The following RARB variants were observed in gnomAD, a reference collection of about 807,000 sequenced individuals.
RARB encodes retinoic acid receptor beta, also known as HBV-activated protein.
In RARB, 17 loss-of-function variants were observed where a neutral mutation model predicts 51.9. The ratio of observed to expected loss-of-function variants is 0.33; its 90% CI spans 0.22 to 0.49. RARB has a LOEUF of 0.49. RARB is among the 20% of genes least tolerant of loss of function. The probability of loss-of-function intolerance (pLI) is 0.99; values close to 1 mark genes in which losing one functional copy is unlikely to be tolerated. For synonymous variants in RARB, 215 were observed against 195.4 expected (o/e 1.10, Z -0.84); for missense variants, 369 against 550.8 (o/e 0.67, Z 3.30).
At chr3:24,955,181 C>A (rs769881634) in intron 2 of RARB, among the ~76,000 whole-genome samples, 45 of 152,112 alleles carry the variant, frequency 3.0e-4, no homozygotes, top group Non-Finnish European at 4.6e-4. Flanking sequence ...AGAAGGGGAG[C>A]TGGAAAGGGG....
intron 3 of RARB, among the ~76,000 whole-genome samples, chr3:25,527,142 G>T (rs1559451834): frequency 6.6e-6 from 1 of 152,190 alleles, no homozygotes; most frequent in African/African-American, 2.4e-5. Context: ...AGGTCTGGAA[G>T]GGGACCTGAC....
At chr3:25,360,382 T>A (rs575439877) in intron 5 of RARB, among the ~76,000 whole-genome samples, 2 of 152,330 alleles carry the variant, frequency 1.3e-5, no homozygotes, top group East Asian at 3.9e-4. Flanking sequence ...GCATGTGAGA[T>A]GGGTCTCCTG....
rs906294222 is a variant in RARB at position 25,418,307 on chromosome 3, G to A, written c.179-42886G>A. Among the ~76,000 whole-genome samples, 4 of 152,192 alleles carry A rather than the reference G, an allele frequency of 2.6e-5. No homozygotes were observed. In the South Asian group the frequency reaches 6.2e-4, roughly 24 times the overall value. On this transcript the variant is annotated intron_variant, in intron 5 of 11. Transcript: ENST00000383772. ...ATAATTTTTTTTGTCTATTTCTATC[G>A]AATGTGTGAATACTAATGCCAAACA... is the stretch of plus-strand genomic sequence containing the variant.
chr3:25,560,930 C>G (rs1347381669), intron 3 of RARB, among the ~76,000 whole-genome samples: 1 of 152,064 alleles, frequency 6.6e-6, no homozygotes, highest in Non-Finnish European at 1.5e-5. Context: ...GTATAGGGCT[C>G]CCACTATTTT....
intron 2 of RARB, among the ~76,000 whole-genome samples, chr3:25,471,473 G>C (rs376119709): frequency 6.6e-6 from 1 of 151,244 alleles, no homozygotes; most frequent in African/African-American, 2.4e-5. Context: ...CTAACAAATT[G>C]AGAACTGATT....
chr3:25,297,676 T>C (rs930386661), intron 5 of RARB, among the ~76,000 whole-genome samples: 3 of 152,168 alleles, frequency 2.0e-5, no homozygotes, highest in East Asian at 1.9e-4. Flanking sequence ...TTTTTTCTTT[T>C]TGTTTTCTCC....
intron 2 of RARB, among the ~76,000 whole-genome samples, chr3:25,052,264 A>G (rs1012324980): frequency 6.6e-6 from 1 of 152,166 alleles, no homozygotes; most frequent in African/African-American, 2.4e-5. Flanking sequence ...CCCATTGTGT[A>G]TGTGATTCCC....
chr3:25,019,307 A>C (rs757028015), intron 2 of RARB, among the ~76,000 whole-genome samples: 42 of 152,208 alleles, frequency 2.8e-4, no homozygotes, highest in Non-Finnish European at 5.0e-4. Flanking sequence ...AAAATAAGAC[A>C]CCAGAAAAGC....
intron 2 of RARB, among the ~76,000 whole-genome samples, chr3:24,885,139 A>G (rs1037935063): frequency 3.9e-5 from 6 of 152,122 alleles, no homozygotes; most frequent in Non-Finnish European, 7.3e-5. Context: ...TTGGGAATAA[A>G]AGAGAGTGAC....
chr3:25,265,265 G>T lies in RARB; in HGVS notation c.178+90690G>T, dbSNP rs60376789. ...TTGAAGGAAAAACAGAAGACCAATT[G>T]CTTAATTATTTTCATGGAATGAGTT... On this transcript the variant is annotated intron_variant, in intron 5 of 11. Coordinates refer to the RARB transcript ENST00000383772. Among the ~76,000 whole-genome samples the T allele has an allele frequency of 8.3e-3, 1,270 of 152,100 alleles. 24 individuals carry two copies. Among genetic ancestry groups the T allele is most frequent in the African/African-American group, 0.029 (1,201 of 41,498 alleles).
rs566362781 is a variant in RARB at position 24,912,052 on chromosome 3, T to C, written c.-380+53300T>C. On this transcript the variant is annotated intron_variant, in intron 2 of 11. Coordinates refer to the RARB transcript ENST00000383772. Reference sequence around the variant, plus strand: ...GACCTCAGAACCATTTTTAGCGACATTTACTTATGCACATGGTCGCTAAAC... The same window carrying C: ...GACCTCAGAACCATTTTTAGCGACACTTACTTATGCACATGGTCGCTAAAC... 6.0e-4 allele frequency among the ~76,000 whole-genome samples: 92 copies of C among 152,298 alleles called. 2 individuals are homozygous for C. The South Asian group carries it at 0.018, about 30-fold the overall frequency.
chr3:25,236,579 A>G (rs907027729), intron 5 of RARB, among the ~76,000 whole-genome samples: 2 of 152,162 alleles, frequency 1.3e-5, no homozygotes, highest in Non-Finnish European at 2.9e-5. Context: ...AGAAGAGGAA[A>G]GAAAAGGAGC....
At chr3:24,848,714 A>G (rs1030716970) in intron 1 of RARB, among the ~76,000 whole-genome samples, 1 of 152,226 alleles carries the variant, frequency 6.6e-6, no homozygotes, top group African/African-American at 2.4e-5. Flanking sequence ...ACTAATTGCA[A>G]CGTAGCAGCA....
At chr3:25,216,549 C>T (rs927021243) in intron 5 of RARB, among the ~76,000 whole-genome samples, 1 of 151,220 alleles carries the variant, frequency 6.6e-6, no homozygotes, top group African/African-American at 2.4e-5. Flanking sequence ...AACACATAGA[C>T]ACAAAGGGGA....
At chr3:25,263,417 T>A (rs575256222) in intron 5 of RARB, among the ~76,000 whole-genome samples, 3 of 152,258 alleles carry the variant, frequency 2.0e-5, no homozygotes, top group African/African-American at 7.2e-5. Context: ...AACTAGTCTA[T>A]TTTGCCAACC....
At chr3:25,112,836 G>A (rs67987013) in intron 3 of RARB, among the ~76,000 whole-genome samples, 18,718 of 152,116 alleles carry the variant, frequency 0.12, 1,532 homozygotes, top group South Asian at 0.28. Flanking sequence ...ATTGATATTC[G>A]ATATTCTATT....
chr3:25,242,451 A>C (rs1702455370), intron 5 of RARB, among the ~76,000 whole-genome samples: 1 of 152,164 alleles, frequency 6.6e-6, no homozygotes, highest in African/African-American at 2.4e-5. Flanking sequence ...CTTGTGTTTA[A>C]ATCTTTAATC....
At chr3:24,865,339 GATGCTTGCAGTTTGACCC>G (rs1559375862) in intron 2 of RARB, among the ~76,000 whole-genome samples, 1 of 152,090 alleles carries the variant, frequency 6.6e-6, no homozygotes, top group Non-Finnish European at 1.5e-5. Context: ...CATGTAAATG[GATGCTTGCAGTTTGACCC>G]ATGTTGCTCG....
At chr3:25,305,916 T>C (rs1259569817) in intron 5 of RARB, among the ~76,000 whole-genome samples, 3 of 152,210 alleles carry the variant, frequency 2.0e-5, no homozygotes, top group Admixed American at 1.3e-4. Flanking sequence ...GCAGCCTGTC[T>C]GGTACCCATC....
Sources: allele counts gnomAD v4.1 joint callset (sites outside exome capture counted in the v4.1 genomes callset), GRCh38; gene constraint gnomAD v4.1.1; transcripts MANE v1.5; gene names NCBI Gene and HGNC (gene_info 2026-07-23, HGNC 2026-07-21).